The following ALS2 variants were observed in gnomAD, a reference collection of about 807,000 sequenced individuals.
ALS2 encodes the protein alsin Rho guanine nucleotide exchange factor ALS2, also known as alsin.
ALS2 carries 117 observed loss-of-function variants against 203.4 expected under a neutral mutation model. The ratio of observed to expected loss-of-function variants is 0.58; its 90% CI spans 0.50 to 0.67. ALS2 has a LOEUF of 0.67. ALS2 is among the 30% of genes least tolerant of loss of function. The probability of loss-of-function intolerance (pLI) is 0.00; values close to 1 mark genes in which losing one functional copy is unlikely to be tolerated. For synonymous variants in ALS2, 718 were observed against 725.9 expected, an observed-to-expected ratio of 0.99 and a Z score of 0.17; for missense variants, 1,715 against 1,989.4, an observed-to-expected ratio of 0.86 and a Z score of 2.62.
In ALS2 at chr2:201,774,699, T is replaced by C. The variant is rs376667862; in HGVS notation, c.-60-5754A>G. ...GAAAGGTAAATTTGTGAGTCATAAG[T>C]ATAATAACTTGCAAATGCTTAAATT... is the stretch of plus-strand genomic sequence containing the variant. On this transcript the variant is annotated intron_variant, in intron 1 of 33. Coordinates refer to ENST00000264276, the MANE Select transcript of ALS2 (RefSeq NM_020919.4). Among the ~76,000 whole-genome samples the C allele has an allele frequency of 3.0e-4, 45 of 152,338 alleles. No individual in the cohort carries two copies. In the South Asian group the frequency reaches 9.3e-3, roughly 32 times the overall value.
At position 201,761,702 on chromosome 2, in the gene ALS2, T is replaced by C. The variant is rs1206027216; in HGVS notation, c.292A>G (p.Thr98Ala). The C allele has an allele frequency of 1.9e-6, 3 of 1,614,104 alleles. No individual in the cohort carries two copies. Among genetic ancestry groups the C allele is most frequent in the Non-Finnish European group, 2.5e-6 (3 of 1,180,050 alleles). ...ACTGCTCCACTATGGAAGCTTCCTGTTGCCACAGTAATAACATATTGCCCA... is the reference window on the plus strand; with the variant it reads ...ACTGCTCCACTATGGAAGCTTCCTGCTGCCACAGTAATAACATATTGCCCA... ...LVGQYVITVA[T>A]GSFHSGAVTD... is the part of the protein sequence containing the mutation. The change falls in exon 4 of 34, where the codon ACA (threonine) becomes GCA (alanine). Residue 98 changes from threonine (T) to alanine (A), a missense_variant. Transcript: ENST00000264276.
intron 1 of ALS2, among the ~76,000 whole-genome samples, chr2:201,771,321 AC>A: frequency 6.6e-6 from 1 of 152,244 alleles, no homozygotes; most frequent in East Asian, 1.9e-4. Context: ...TGCTGGGATT[AC>A]AGGTATGAGC....
chr2:201,704,460 C>T lies in ALS2; in HGVS notation c.4832G>A (p.Arg1611Gln), dbSNP rs1689578912. The change falls in exon 32 of 34, where the codon CGG (arginine) becomes CAG (glutamine). Residue 1611 changes from arginine (R) to glutamine (Q), a missense_variant. By Grantham distance (43) the Arg-to-Gln change is conservative (BLOSUM62 1). This residue lies in a region of ALS2 where 1,227 missense variants were observed against 1,413.5 expected (regional missense o/e 0.87). Transcript: ENST00000264276. ...LFPVFLYVVL[R>Q]ARIRNLGSEV... ...AAAGTCATAAAACAGTTACCTGGCC[C>T]GTAGCACCACATATAAGAAAACAGG... 4 of 1,614,036 alleles carry T rather than the reference C, an allele frequency of 2.5e-6. No individual in the cohort carries two copies. The highest frequency in any genetic ancestry group is 3.4e-6 in the Non-Finnish European group (4 of 1,179,974).
rs185817597 is a variant in ALS2, at chr2:201,718,204, G to T, written c.3709C>A (p.Leu1237Met). The change falls in exon 24 of 34, where the codon CTG becomes ATG. Residue 1237 changes from leucine (L) to methionine (M), a missense_variant. This residue lies in a region of ALS2 where 1,227 missense variants were observed against 1,413.5 expected (regional missense o/e 0.87). Transcript: ENST00000264276. ...DDWTLSGKGT[L>M]TMPNGDYIEG... ...ATGTAGTCTCCATTTGGCATAGTCAGTGTTCCCTAGGTAAAGTCAGAGAAT... is the reference window on the plus strand; with the variant it reads ...ATGTAGTCTCCATTTGGCATAGTCATTGTTCCCTAGGTAAAGTCAGAGAAT... The T allele has an allele frequency of 3.1e-6, 5 of 1,612,414 alleles. No homozygotes were observed. In the East Asian group the frequency reaches 1.1e-4, roughly 36 times the overall value.
intron 7 of ALS2, among the ~76,000 whole-genome samples, chr2:201,752,852 T>C (rs1253241306): frequency 6.6e-6 from 1 of 152,142 alleles, no homozygotes; most frequent in Non-Finnish European, 1.5e-5. Context: ...AAATCTGGGG[T>C]TCTCTTTTTA....
intron 27 of ALS2, 27 bp from the exon 28 acceptor site, chr2:201,708,018 T>C (rs1430438783): frequency 1.9e-6 from 3 of 1,600,052 alleles, no homozygotes; most frequent in Non-Finnish European, 2.6e-6. Flanking sequence ...AATATAATTA[T>C]ACAATTATAC....
chr2:201,711,960 G>A (rs747761973), intron 25 of ALS2, among the ~76,000 whole-genome samples: 27 of 152,080 alleles, frequency 1.8e-4, no homozygotes, highest in Non-Finnish European at 3.7e-4. Context: ...ACGCACAAGG[G>A]GCAGTCAATG....
At chr2:201,749,876 T>C in intron 7 of ALS2, 87 bp from the exon 8 acceptor site, 1 of 964,938 alleles carries the variant, frequency 1.0e-6, no homozygotes, top group South Asian at 1.3e-5. Flanking sequence ...TTAACATATA[T>C]ACACAAATAC....
intron 1 of ALS2, among the ~76,000 whole-genome samples, chr2:201,774,975 C>G (rs903872586): frequency 6.6e-6 from 1 of 152,124 alleles, no homozygotes; most frequent in Non-Finnish European, 1.5e-5. Flanking sequence ...AGACAGTACC[C>G]TTAAGGGATA....
At chr2:201,774,041 G>C (rs909195582) in intron 1 of ALS2, among the ~76,000 whole-genome samples, 1 of 152,216 alleles carries the variant, frequency 6.6e-6, no homozygotes, top group African/African-American at 2.4e-5. Flanking sequence ...GTGACAATGT[G>C]GAAATATCTT....
At chr2:201,720,928 T>C (rs912021358) in intron 23 of ALS2, among the ~76,000 whole-genome samples, 4 of 152,156 alleles carry the variant, frequency 2.6e-5, no homozygotes, top group African/African-American at 4.8e-5. Flanking sequence ...TGATTCTGTA[T>C]GTAAGAAATC....
At chr2:201,775,444 C>T (rs1694614288) in intron 1 of ALS2, among the ~76,000 whole-genome samples, 2 of 152,196 alleles carry the variant, frequency 1.3e-5, no homozygotes, top group African/African-American at 4.8e-5. Context: ...TGGTATTTTA[C>T]ACATGGTAAA....
Position 201,710,021 on chromosome 2 carries a change from C to T in ALS2, c.4140G>A (p.Leu1380=). ...KYLIKACDTP[L]HPLGRLVETL... ...TCTCCACAAGCCTGCCCAGGGGGTG[C>T]AGAGGAGTGTCACAGGCCTGAGTAG... Residue 1380 remains leucine (L), a synonymous_variant, in exon 27 of 34, where the codon CTG becomes CTA. Coordinates refer to ENST00000264276, the MANE Select transcript of ALS2 (RefSeq NM_020919.4). 1 of 1,613,888 alleles carries T rather than the reference C, an allele frequency of 6.2e-7. No individual in the cohort carries two copies. The highest frequency in any genetic ancestry group is 1.1e-5 in the South Asian group (1 of 91,082).
At chr2:201,776,058 C>T (rs1035511368) in intron 1 of ALS2, among the ~76,000 whole-genome samples, 2 of 152,110 alleles carry the variant, frequency 1.3e-5, no homozygotes, top group African/African-American at 4.8e-5. Context: ...TTTCTAGTGC[C>T]TGTAATAAAA....
chr2:201,768,745 G>T, intron 2 of ALS2, 121 bp downstream of exon 2: 1 of 937,818 alleles, frequency 1.1e-6, no homozygotes, highest in Non-Finnish European at 1.7e-6. Context: ...AACTACAAAT[G>T]TCACTATTCC....
Position 201,754,625 on chromosome 2 carries a change from T to C in ALS2, c.1518A>G (p.Thr506=). The C allele has an allele frequency of 6.2e-7, 1 of 1,614,184 alleles. No individual in the cohort carries two copies. Among genetic ancestry groups the C allele is most frequent in the Admixed American group, 1.7e-5 (1 of 60,018 alleles). Residue 506 remains threonine, a synonymous_variant, in exon 6 of 34, where the codon ACA becomes ACG. Coordinates refer to ENST00000264276, the MANE Select transcript of ALS2 (RefSeq NM_020919.4). ...CACTGTATGTGGGGGTCAGAACCAC[T>C]GTCCTCGTTTTCACCCGTGCAGCCT... ...LRKAARVKTR[T]VVLTPTYSGE...
At chr2:201,723,523 C>G in intron 21 of ALS2, 82 bp from the exon 22 acceptor site, 1 of 1,199,354 alleles carries the variant, frequency 8.3e-7, no homozygotes, top group Non-Finnish European at 1.2e-6. Context: ...TGGGAGATCC[C>G]AGGCATCAAC....
At chr2:201,733,733 A>G (rs989524130) in intron 12 of ALS2, among the ~76,000 whole-genome samples, 2 of 152,254 alleles carry the variant, frequency 1.3e-5, no homozygotes, top group Non-Finnish European at 2.9e-5. Flanking sequence ...GAATAATCAG[A>G]GACCAGCTGA....
chr2:201,724,164 T>C, intron 21 of ALS2, 131 bp downstream of exon 21: 4 of 934,814 alleles, frequency 4.3e-6, no homozygotes, highest in Non-Finnish European at 6.6e-6. Context: ...GGTTCATTTT[T>C]CACCTACTCA....
Sources: allele counts gnomAD v4.1 joint callset (sites outside exome capture counted in the v4.1 genomes callset), GRCh38; gene constraint gnomAD v4.1.1; regional missense constraint gnomAD v4.1.1; transcripts MANE v1.5; gene names NCBI Gene and HGNC (gene_info 2026-07-23, HGNC 2026-07-21).